Variants in SCTR observed in about 807,000 individuals in gnomAD.
SCTR encodes the protein secretin receptor.
A neutral mutation model predicts 60.8 loss-of-function variants in SCTR; 56 were observed. The observed-to-expected ratio is 0.92, with a 90% CI of 0.74 to 1.15. The LOEUF (loss-of-function observed/expected upper bound fraction) is 1.15, where lower values mean the gene tolerates loss of function less well. SCTR is among the 50% of genes most tolerant of loss of function. The pLI, the probability that SCTR is intolerant of heterozygous loss-of-function variation, is 0.00. For missense variants in SCTR, 562 were observed against 550.4 expected (o/e 1.02, Z -0.21); for synonymous variants, 202 against 217.0 (o/e 0.93, Z 0.61).
At chr2:119,523,845 C>T (rs948973808) in intron 1 of SCTR, among the ~76,000 whole-genome samples, 3 of 152,172 alleles carry the variant, frequency 2.0e-5, no homozygotes, top group African/African-American at 7.2e-5. Context: ...TAGGCACTGC[C>T]ACGGGCGGCT....
intron 7 of SCTR, among the ~76,000 whole-genome samples, chr2:119,460,436 G>GTGGATGGATGGATGGA (rs111277760): frequency 6.7e-6 from 1 of 149,358 alleles, no homozygotes; most frequent in Non-Finnish European, 1.5e-5. Context: ...GGGTGGGTGG[G>GTGGATGGATGGATGGA]TGGATGGATG....
chr2:119,464,939 C>T (rs1160106692), intron 5 of SCTR, among the ~76,000 whole-genome samples: 1 of 152,180 alleles, frequency 6.6e-6, no homozygotes, highest in Non-Finnish European at 1.5e-5. Flanking sequence ...TTGAGCAAGA[C>T]TTTTCACTTC....
rs115055119 is a variant in SCTR at position 119,479,123 on chromosome 2, G to A, written c.194-205C>T. The stretch of plus-strand genomic sequence containing the variant: ...TCTGCCATGTACACGGTAGTGCTCA[G>A]TGTTGAAGATAGAAGGAAGTAAGAA... On this transcript the variant is annotated intron_variant, in intron 2 of 12. Coordinates refer to ENST00000019103, the MANE Select transcript of SCTR (RefSeq NM_002980.3). The A allele has an allele frequency of 5.2e-3, 6,931 of 1,323,886 alleles. 215 individuals carry two copies. In the African/African-American group the frequency reaches 0.076, roughly 14 times the overall value. The allele number at this position is 1,323,886 out of a possible 1,614,324, so 82.0% of individuals were successfully genotyped here.
chr2:119,522,410 G>A (rs1403651664), intron 1 of SCTR, among the ~76,000 whole-genome samples: 1 of 152,194 alleles, frequency 6.6e-6, no homozygotes, highest in East Asian at 1.9e-4. Flanking sequence ...GTTAAGTGGG[G>A]TATGTGGGGC....
At chr2:119,519,463 T>A (rs1342629092) in intron 1 of SCTR, among the ~76,000 whole-genome samples, 1 of 152,080 alleles carries the variant, frequency 6.6e-6, no homozygotes, top group Non-Finnish European at 1.5e-5. Context: ...TTATGACAGC[T>A]CCTTGGGCAC....
At chr2:119,488,617 T>C (rs183502205) in intron 2 of SCTR, among the ~76,000 whole-genome samples, 2 of 152,224 alleles carry the variant, frequency 1.3e-5, no homozygotes, top group East Asian at 3.9e-4. Context: ...CACTTGGCAT[T>C]GGTAAGGTGA....
chr2:119,454,101 C>T (rs1683279145), intron 7 of SCTR, among the ~76,000 whole-genome samples: 1 of 152,168 alleles, frequency 6.6e-6, no homozygotes, highest in South Asian at 2.1e-4. Context: ...CTTAGGCACA[C>T]AGAAGCCTGC....
rs1573771494 is a variant in SCTR, at chr2:119,440,052, A to T, written c.*65T>A. ...CTGCTGGGAAGACTGGCTGTCCCAC[A>T]GCAGTGCCCAGCCTTCGCAGGACCT... On this transcript the variant is annotated 3_prime_UTR_variant, in exon 13 of 13. Coordinates refer to ENST00000019103, the MANE Select transcript of SCTR (RefSeq NM_002980.3). 6.6e-7 allele frequency: 1 copy of T among 1,516,736 alleles called. No homozygotes were observed. Among genetic ancestry groups the T allele is most frequent in the East Asian group, 2.3e-5 (1 of 43,852 alleles). 94.0% of individuals were successfully genotyped at this position (1,516,736 alleles called of 1,614,324 possible).
intron 7 of SCTR, among the ~76,000 whole-genome samples, chr2:119,457,886 G>A (rs550881722): frequency 1.2e-4 from 18 of 152,336 alleles, no homozygotes; most frequent in South Asian, 2.1e-4. Context: ...GGCTGAGCTC[G>A]GGAATAAGAA....
intron 1 of SCTR, among the ~76,000 whole-genome samples, chr2:119,502,393 G>A (rs1158698733): frequency 6.6e-6 from 1 of 152,168 alleles, no homozygotes. Context: ...AATAAATGAA[G>A]AGACATACCA....
At chr2:119,500,801 A>C (rs1678518460) in intron 1 of SCTR, among the ~76,000 whole-genome samples, 1 of 152,180 alleles carries the variant, frequency 6.6e-6, no homozygotes, top group East Asian at 1.9e-4. Context: ...AATATGACTT[A>C]GTGTTTGATA....
rs10194233 is a variant in SCTR, at chr2:119,505,495, G to A, written c.73-10947C>T. Among the ~76,000 whole-genome samples, 212 of 150,186 alleles carry A rather than the reference G, an allele frequency of 1.4e-3. 1 individual carries two copies. Among genetic ancestry groups the A allele is most frequent in the African/African-American group, 4.8e-3 (198 of 40,872 alleles). On this transcript the variant is annotated intron_variant, in intron 1 of 12. Transcript: ENST00000019103. Reference sequence around the variant, plus strand: ...AATAAAAAAAAGAAAAAAAAATGTGGCACATATACACCATGGAATACTATG... The same window carrying A: ...AATAAAAAAAAGAAAAAAAAATGTGACACATATACACCATGGAATACTATG...
chr2:119,457,503 G>A (rs920382682), intron 7 of SCTR, among the ~76,000 whole-genome samples: 3 of 152,204 alleles, frequency 2.0e-5, no homozygotes, highest in African/African-American at 4.8e-5. Context: ...TTTGGGCCCA[G>A]GAGTTCAAGA....
In SCTR at chr2:119,489,083, C is replaced by T. The variant is rs372058502; in HGVS notation, c.193+5345G>A. ...AGAGGGGAGCAGGAACCCCATCTGG[C>T]GTGGTCACTAGTCAGAGCCTGAGTG... On this transcript the variant is annotated intron_variant, in intron 2 of 12. Transcript: ENST00000019103. 3.4e-4 allele frequency among the ~76,000 whole-genome samples: 51 copies of T among 152,214 alleles called. 1 individual carries two copies. The South Asian group carries it at 5.4e-3, about 16-fold the overall frequency.
intron 9 of SCTR, among the ~76,000 whole-genome samples, chr2:119,450,822 C>T (rs1260245601): frequency 2.0e-5 from 3 of 152,104 alleles, no homozygotes; most frequent in East Asian, 3.9e-4. Flanking sequence ...ATTAGCTAGG[C>T]GTGGTGGTGG....
intron 1 of SCTR, among the ~76,000 whole-genome samples, chr2:119,500,251 G>A (rs1678498395): frequency 1.3e-5 from 2 of 151,932 alleles, no homozygotes; most frequent in South Asian, 4.2e-4. Context: ...GAGAAGAAGG[G>A]GAATGCTTGT....
intron 8 of SCTR, among the ~76,000 whole-genome samples, chr2:119,452,952 G>A (rs1189961420): frequency 1.3e-5 from 2 of 152,154 alleles, no homozygotes; most frequent in Admixed American, 1.3e-4. Context: ...GAGATCCCAG[G>A]AGGAAGAAAA....
chr2:119,493,304 C>G (rs1021459025), intron 2 of SCTR, among the ~76,000 whole-genome samples: 3 of 152,106 alleles, frequency 2.0e-5, no homozygotes, highest in African/African-American at 7.2e-5. Flanking sequence ...TTTATCCATT[C>G]GTCAGTTGAT....
chr2:119,494,935 T>C, intron 1 of SCTR, among the ~76,000 whole-genome samples: 1 of 152,200 alleles, frequency 6.6e-6, no homozygotes, highest in Non-Finnish European at 1.5e-5. Flanking sequence ...TTCTTTGGTC[T>C]TGTTTTCTAT....
Sources: gnomAD v4.1 joint callset for allele counts (sites outside exome capture counted in the v4.1 genomes callset) on GRCh38, gnomAD v4.1.1 for gene constraint, MANE v1.5 for transcripts, NCBI Gene and HGNC (gene_info 2026-07-23, HGNC 2026-07-21) for gene names.